The following AKAP19 variants were observed in gnomAD, a reference collection of about 807,000 sequenced individuals.
AKAP19 encodes A-kinase anchoring protein 19.
At chr2:190,062,324 A>C in the AKAP19 span, 1 of 1,613,404 alleles carries the variant, frequency 6.2e-7, no homozygotes. Context: ...CATACTGATC[A>C]ATCAGTTCCC....
At chr2:190,145,327 A>G in the AKAP19 span, among the ~76,000 whole-genome samples, 1 of 152,174 alleles carries the variant, frequency 6.6e-6, no homozygotes, top group Admixed American at 6.5e-5. Context: ...GCAGATGCAT[A>G]GTTTTCTATT....
At chr2:190,006,728 A>G in the AKAP19 span, among the ~76,000 whole-genome samples, 4 of 149,074 alleles carry the variant, frequency 2.7e-5, no homozygotes, top group Non-Finnish European at 4.5e-5. Flanking sequence ...ATGAGAATTT[A>G]AACAAGTAGG....
chr2:190,173,464 G>A, the AKAP19 span, among the ~76,000 whole-genome samples: 14 of 152,308 alleles, frequency 9.2e-5, no homozygotes, highest in South Asian at 1.5e-3. Context: ...ACTGTAAGAC[G>A]TCAAGATAAT....
chr2:189,981,815 G>A, the AKAP19 span, among the ~76,000 whole-genome samples: 6 of 152,128 alleles, frequency 3.9e-5, no homozygotes, highest in Non-Finnish European at 7.4e-5. Flanking sequence ...TCTTTAAGAA[G>A]GCTAAAGATA....
At chr2:189,957,284 A>T in the AKAP19 span, among the ~76,000 whole-genome samples, 3 of 152,196 alleles carry the variant, frequency 2.0e-5, no homozygotes, top group Non-Finnish European at 2.9e-5. Flanking sequence ...TCTGACTCTT[A>T]CTTCCGTTAC....
chr2:190,144,689 A>G, the AKAP19 span, among the ~76,000 whole-genome samples: 1 of 152,192 alleles, frequency 6.6e-6, no homozygotes, highest in African/African-American at 2.4e-5. Context: ...ATAAAAATTT[A>G]TTCTGGGCCG....
the AKAP19 span, among the ~76,000 whole-genome samples, chr2:190,118,651 G>T: frequency 4.6e-5 from 7 of 152,272 alleles, no homozygotes; most frequent in Admixed American, 2.0e-4. Flanking sequence ...GAAAAGGCCT[G>T]TGACAAAATT....
chr2:190,191,345 AT>A, the AKAP19 span, among the ~76,000 whole-genome samples: 1 of 152,094 alleles, frequency 6.6e-6, no homozygotes, highest in Admixed American at 6.6e-5. Context: ...GAGTTTCACC[AT>A]GTTGGCCAGG....
At chr2:190,057,978 A>T in the AKAP19 span, among the ~76,000 whole-genome samples, 3 of 152,112 alleles carry the variant, frequency 2.0e-5, no homozygotes, top group South Asian at 6.2e-4. Flanking sequence ...GGAGAGAGAG[A>T]GGAGAAGAAG....
At chr2:190,154,326 AT>A in the AKAP19 span, among the ~76,000 whole-genome samples, 1 of 152,098 alleles carries the variant, frequency 6.6e-6, no homozygotes, top group East Asian at 1.9e-4. Context: ...TTCATTTCAT[AT>A]TTTTTAATCA....
chr2:189,967,385 G>A, the AKAP19 span, among the ~76,000 whole-genome samples: 48 of 152,294 alleles, frequency 3.2e-4, no homozygotes, highest in East Asian at 8.7e-3. Context: ...ACATCAGGGT[G>A]TAACTTCAAA....
the AKAP19 span, among the ~76,000 whole-genome samples, chr2:190,011,028 C>T: frequency 6.7e-6 from 1 of 148,474 alleles, no homozygotes; most frequent in African/African-American, 2.5e-5. Context: ...TATTTTCTCC[C>T]ATTCTCTCAT....
the AKAP19 span, among the ~76,000 whole-genome samples, chr2:190,073,029 C>T: frequency 2.0e-4 from 30 of 151,968 alleles, no homozygotes; most frequent in African/African-American, 6.3e-4. Flanking sequence ...GCAAAGTAAT[C>T]GAATTGATAA....
chr2:189,947,047 A>C, the AKAP19 span, among the ~76,000 whole-genome samples: 1 of 152,142 alleles, frequency 6.6e-6, no homozygotes, highest in East Asian at 1.9e-4. Context: ...TTCTTTTTTC[A>C]AAATGGAGTG....
chr2:190,160,062 T>C, the AKAP19 span, among the ~76,000 whole-genome samples: 4 of 152,210 alleles, frequency 2.6e-5, no homozygotes, highest in Admixed American at 1.3e-4. Flanking sequence ...TTTTTGAAGA[T>C]ATAAGTTATG....
the AKAP19 span, among the ~76,000 whole-genome samples, chr2:190,118,221 A>G: frequency 6.6e-6 from 1 of 152,236 alleles, no homozygotes; most frequent in Non-Finnish European, 1.5e-5. Context: ...TGAGGCAATA[A>G]TTAATAGCTT....
the AKAP19 span, among the ~76,000 whole-genome samples, chr2:190,082,620 T>G: frequency 6.6e-6 from 1 of 152,246 alleles, no homozygotes; most frequent in Non-Finnish European, 1.5e-5. Context: ...ACAGCTGGAT[T>G]GCAAACAATA....
chr2:189,909,197 A>G, the AKAP19 span, among the ~76,000 whole-genome samples: 128 of 151,436 alleles, frequency 8.5e-4, no homozygotes, highest in Non-Finnish European at 1.6e-3. Context: ...TTTGGTTGCC[A>G]TTTGCATATA....
chr2:190,018,608 G>C, the AKAP19 span, among the ~76,000 whole-genome samples: 3 of 152,112 alleles, frequency 2.0e-5, no homozygotes, highest in South Asian at 4.2e-4. Context: ...AGATTATTCT[G>C]AACTCTTTAT....
Sources: gnomAD v4.1 joint callset for allele counts (sites outside exome capture counted in the v4.1 genomes callset) on GRCh38, gnomAD v4.1.1 for gene constraint, MANE v1.5 for transcripts, NCBI Gene and HGNC (gene_info 2026-07-23, HGNC 2026-07-21) for gene names.